Variants in RNF17 observed in about 807,000 individuals in gnomAD.
RNF17 encodes spermatogenesis associated 23.
RNF17 carries 31 observed loss-of-function variants against 200.5 expected under a neutral mutation model. The observed-to-expected ratio is 0.15, with a 90% CI of 0.12 to 0.21. The LOEUF (loss-of-function observed/expected upper bound fraction) is 0.21, where lower values mean the gene tolerates loss of function less well. Among genes scored for constraint, RNF17 ranks in the 10% least tolerant of loss-of-function variants. The probability of loss-of-function intolerance (pLI) is 1.00; values close to 1 mark genes in which losing one functional copy is unlikely to be tolerated. For synonymous variants in RNF17, 606 were observed against 637.8 expected, an observed-to-expected ratio of 0.95 and a Z score of 0.75; for missense variants, 1,628 against 1,905.1, an observed-to-expected ratio of 0.85 and a Z score of 2.71.
At chr13:24,827,718 C>CAAAAAAAAAAA (rs1250308715) in intron 16 of RNF17, among the ~76,000 whole-genome samples, 2 of 54,630 alleles carry the variant, frequency 3.7e-5, no homozygotes, top group African/African-American at 9.0e-5. Flanking sequence ...AAAAAAAAAA[C>CAAAAAAAAAAA]AAAAAAAAAA....
At chr13:24,794,441 AG>A in intron 10 of RNF17, 1 of 303,148 alleles carries the variant, frequency 3.3e-6, no homozygotes, top group South Asian at 2.7e-5. Flanking sequence ...TGTGAGGCCG[AG>A]GCACATGGAT....
chr13:24,882,396 AATT>A (rs939929944), downstream of RNF17: 1 of 152,130 alleles, frequency 6.6e-6, no homozygotes, highest in East Asian at 1.9e-4. Flanking sequence ...ACCAATCTGT[AATT>A]ATTTATTATA....
chr13:24,876,436 G>A (rs1323164482), intron 33 of RNF17, among the ~76,000 whole-genome samples: 1 of 152,120 alleles, frequency 6.6e-6, no homozygotes, highest in Non-Finnish European at 1.5e-5. Flanking sequence ...ATTATTTTGG[G>A]TATATACCCA....
rs1894615385 is a variant in RNF17, at chr13:24,874,251, TTAAAAA to T, written c.4583+7_4583+12del. 1 of 1,570,904 alleles carries T rather than the reference TTAAAAA, an allele frequency of 6.4e-7. No individual in the cohort carries two copies. The highest frequency in any genetic ancestry group is 8.6e-7 in the Non-Finnish European group (1 of 1,163,952). ...AACTGCAAAGCTGACATTAAACAGG[TTAAAAA>T]TAAATGTCGGGGTGTTGAATTAGAT... On this transcript the variant is annotated splice_donor_5th_base_variant and intron_variant, in intron 33 of 35. Transcript: ENST00000255324.
downstream of RNF17, chr13:24,883,144 AGTTACT>A (rs1566274960): frequency 1.3e-6 from 2 of 1,566,702 alleles, no homozygotes; most frequent in Non-Finnish European, 1.8e-6. Context: ...ATAAAAAGTC[AGTTACT>A]GTTACTTCAT....
chr13:24,818,310 A>C (rs1404258507), intron 15 of RNF17, among the ~76,000 whole-genome samples: 1 of 152,030 alleles, frequency 6.6e-6, no homozygotes, highest in African/African-American at 2.4e-5. Context: ...CTATTCTGAG[A>C]ATGTTCTAAG....
chr13:24,769,507 A>C (rs1159173460), intron 2 of RNF17, among the ~76,000 whole-genome samples: 2 of 152,236 alleles, frequency 1.3e-5, no homozygotes, highest in Non-Finnish European at 2.9e-5. Context: ...TATTAAAGGA[A>C]GTCATTCAAG....
chr13:24,783,747 C>A, intron 6 of RNF17, among the ~76,000 whole-genome samples: 1 of 152,024 alleles, frequency 6.6e-6, no homozygotes. Flanking sequence ...CATTTATTAG[C>A]TTTAGTATTA....
Position 24,877,025 on chromosome 13 carries a change from C to A in RNF17, c.4612C>A (p.Arg1538=). 6.2e-7 allele frequency: 1 copy of A among 1,605,810 alleles called. No homozygotes were observed. The change falls in exon 34 of 36, where the codon CGG becomes AGG. Residue 1538 remains arginine (R), a synonymous_variant. Coordinates refer to ENST00000255324, the MANE Select transcript of RNF17 (RefSeq NM_031277.3). ...GTGCCAAATTCCTTCTCATCTTATGCGGTATCCAGCTCGAGCCATAAAGGT... is the reference window on the plus strand; with the variant it reads ...GTGCCAAATTCCTTCTCATCTTATGAGGTATCCAGCTCGAGCCATAAAGGT... ...RLCQIPSHLM[R]YPARAIKVLL... is the part of the protein sequence containing the mutation.
the RNF17 span, among the ~76,000 whole-genome samples, chr13:24,749,333 C>T: frequency 5.1e-5 from 4 of 78,620 alleles, no homozygotes; most frequent in East Asian, 6.4e-4. Context: ...GAGACAGAGT[C>T]TCACTCTGTT....
At chr13:24,884,146 G>A (rs768093533), downstream of RNF17, 14 of 1,613,788 alleles carry the variant, frequency 8.7e-6, no homozygotes, top group Admixed American at 1.8e-4. Context: ...ATGAGAGGGT[G>A]GAGCAAGTTT....
intron 3 of RNF17, among the ~76,000 whole-genome samples, chr13:24,776,783 G>A (rs1391498657): frequency 6.6e-6 from 1 of 152,150 alleles, no homozygotes; most frequent in African/African-American, 2.4e-5. Flanking sequence ...CTCAGCTGTA[G>A]CCAGTTATTA....
At chr13:24,785,169 C>A (rs1052011913) in intron 6 of RNF17, among the ~76,000 whole-genome samples, 1 of 147,740 alleles carries the variant, frequency 6.8e-6, no homozygotes, top group Non-Finnish European at 1.5e-5. Context: ...TATGGTATAT[C>A]GTTAGGTTGT....
intron 30 of RNF17, among the ~76,000 whole-genome samples, chr13:24,868,399 G>A (rs1236755714): frequency 7.2e-6 from 1 of 138,686 alleles, no homozygotes; most frequent in Non-Finnish European, 1.5e-5. Context: ...GAACCCGGGA[G>A]GCGGAGCTTG....
intron 13 of RNF17, 45 bp from the exon 14 acceptor site, chr13:24,802,336 C>A: frequency 6.7e-7 from 1 of 1,491,048 alleles, no homozygotes; most frequent in Non-Finnish European, 9.1e-7. Context: ...GTAACATTAG[C>A]GATACTTACA....
At chr13:24,824,933 A>G (rs1888459062) in intron 15 of RNF17, among the ~76,000 whole-genome samples, 1 of 152,218 alleles carries the variant, frequency 6.6e-6, no homozygotes, top group Non-Finnish European at 1.5e-5. Flanking sequence ...GACACAGTCT[A>G]GCCAAAAAGA....
chr13:24,860,047 T>A, intron 26 of RNF17, among the ~76,000 whole-genome samples: 1 of 151,922 alleles, frequency 6.6e-6, no homozygotes, highest in East Asian at 1.9e-4. Context: ...AACTACAAAT[T>A]TTTAATGGTT....
chr13:24,820,307 A>G (rs1887894688), intron 15 of RNF17, among the ~76,000 whole-genome samples: 1 of 151,874 alleles, frequency 6.6e-6, no homozygotes, highest in South Asian at 2.1e-4. Context: ...TTTTTAGTAG[A>G]GATGGGGTTT....
chr13:24,877,276 G>T lies in RNF17; in HGVS notation c.4773+90G>T, dbSNP rs577528303. On this transcript the variant is annotated intron_variant, in intron 34 of 35. Transcript: ENST00000255324. ...TTGTTTCTATGCAGCGTCTACATGCGAGAGTATACTAAAGCATATACAGCT... is the reference window on the plus strand; with the variant it reads ...TTGTTTCTATGCAGCGTCTACATGCTAGAGTATACTAAAGCATATACAGCT... 4.7e-5 allele frequency: 48 copies of T among 1,013,192 alleles called. No individual in the cohort carries two copies. The East Asian group carries it at 1.2e-3, about 25-fold the overall frequency. The allele number at this position is 1,013,192 out of a possible 1,614,324, so 62.8% of individuals were successfully genotyped here.
Sources: gnomAD v4.1 joint callset for allele counts (sites outside exome capture counted in the v4.1 genomes callset) on GRCh38, gnomAD v4.1.1 for gene constraint, MANE v1.5 for transcripts, NCBI Gene and HGNC (gene_info 2026-07-23, HGNC 2026-07-21) for gene names.